Variants in ACIN1 observed in about 807,000 individuals in gnomAD.
ACIN1 encodes apoptotic chromatin condensation inducer 1.
Under a neutral mutation model 146.6 loss-of-function variants are expected in ACIN1, and 16 were observed. The ratio of observed to expected loss-of-function variants is 0.11; its 90% CI spans 0.07 to 0.17. The LOEUF (loss-of-function observed/expected upper bound fraction) is 0.17. Ranked by LOEUF, ACIN1 falls within the 10% of genes least tolerant of loss-of-function variation. The pLI, the probability that ACIN1 is intolerant of heterozygous loss-of-function variation, is 1.00. For synonymous variants in ACIN1, 569 were observed against 582.7 expected, an observed-to-expected ratio of 0.98 and a Z score of 0.34; for missense variants, 1,357 against 1,609.3, an observed-to-expected ratio of 0.84 and a Z score of 2.68.
chr14:23,079,825 GAGA>G lies in ACIN1; in HGVS notation c.1507_1509del (p.Ser503del), dbSNP rs754697700. ...AATCTGTGGCTTGGGAGAAGGGTAT[GAGA>G]AGCTCTTCTGCCTTCCTTCTGTTCC... On this transcript the variant is annotated inframe_deletion, in exon 6 of 19. Coordinates refer to ENST00000605057, the MANE Select transcript of ACIN1 (RefSeq NM_001386863.1). 30 of 1,614,192 alleles carry G rather than the reference GAGA, an allele frequency of 1.9e-5. No homozygotes were observed. The African/African-American group carries it at 4.0e-4, about 22-fold the overall frequency.
At chr14:23,083,192 T>TA (rs2047995529) in intron 4 of ACIN1, among the ~76,000 whole-genome samples, 1 of 151,950 alleles carries the variant, frequency 6.6e-6, no homozygotes, top group African/African-American at 2.4e-5. Context: ...GTAAATCACT[T>TA]AAGTAATTTG....
intron 4 of ACIN1, among the ~76,000 whole-genome samples, chr14:23,083,685 C>T (rs1460495686): frequency 1.3e-5 from 2 of 152,110 alleles, no homozygotes; most frequent in East Asian, 3.9e-4. Flanking sequence ...GTCGAGATCG[C>T]GCCACTGCAC....
Position 23,080,643 on chromosome 14 carries a change from T to A in ACIN1, c.692A>T (p.Asp231Val). 1 of 1,613,950 alleles carries A rather than the reference T, an allele frequency of 6.2e-7. No individual in the cohort carries two copies. Among genetic ancestry groups the A allele is most frequent in the Non-Finnish European group, 8.5e-7 (1 of 1,180,008 alleles). The change falls in exon 6 of 19, where the codon GAT becomes GTT. Residue 231 changes from aspartate (D) to valine (V), a missense_variant. By Grantham distance (152) the Asp-to-Val change is radical (BLOSUM62 -3). Transcript: ENST00000605057. ...CTCCCTAGATTTTTGTCCCTCATCATCACCTTCCTCTTCTTCATCATCTTC... is the reference window on the plus strand; with the variant it reads ...CTCCCTAGATTTTTGTCCCTCATCAACACCTTCCTCTTCTTCATCATCTTC... ...EEEDDEEEEG[D>V]DEGQKSREAP...
intron 4 of ACIN1, among the ~76,000 whole-genome samples, chr14:23,086,613 G>A (rs1187143842): frequency 6.6e-6 from 1 of 152,118 alleles, no homozygotes; most frequent in Non-Finnish European, 1.5e-5. Flanking sequence ...AGCCTCCCGA[G>A]TAGCTGGGAC....
chr14:23,093,441 C>T, intron 2 of ACIN1, 38 bp downstream of exon 2: 1 of 1,585,332 alleles, frequency 6.3e-7, no homozygotes, highest in Non-Finnish European at 8.7e-7. Flanking sequence ...TCTGGATATC[C>T]AAAGGGCCCA....
chr14:23,085,483 G>A (rs1228844779), intron 4 of ACIN1, among the ~76,000 whole-genome samples: 1 of 152,170 alleles, frequency 6.6e-6, no homozygotes, highest in Non-Finnish European at 1.5e-5. Context: ...TTTTGATACT[G>A]TAAAACTGCA....
intron 8 of ACIN1, chr14:23,071,379 G>C (rs1203462472): frequency 6.5e-7 from 1 of 1,540,942 alleles, no homozygotes; most frequent in South Asian, 1.2e-5. Context: ...GTGGTGCGGG[G>C]AGGCTAAAAC....
intron 1 of ACIN1, 139 bp downstream of exon 1, chr14:23,094,836 G>C: frequency 7.8e-7 from 1 of 1,276,740 alleles, no homozygotes; most frequent in Non-Finnish European, 1.1e-6. Context: ...ATCAACCACC[G>C]TGCGCGCGGA....
rs139787769 is a variant in ACIN1, at chr14:23,058,586, AT to A, written c.*561del. The A allele has an allele frequency of 0.12, 17,912 of 153,344 alleles. 1,273 individuals are homozygous for A. Among genetic ancestry groups the A allele is most frequent in the African/African-American group, 0.19 (7,806 of 41,360 alleles). The allele number at this position is 153,344 out of a possible 1,614,324, so 9.5% of individuals were successfully genotyped here. On this transcript the variant is annotated 3_prime_UTR_variant, in exon 19 of 19. Coordinates refer to ENST00000605057, the MANE Select transcript of ACIN1 (RefSeq NM_001386863.1). The stretch of plus-strand genomic sequence containing the variant: ...CAGTTTAAAACTAAGTCAGATTTTT[AT>A]TTTTTTTTCCATAGACCACATCATT...
intron 8 of ACIN1, 89 bp from the exon 9 acceptor site, chr14:23,069,706 A>C (rs1594755421): frequency 4.7e-6 from 6 of 1,277,174 alleles, no homozygotes; most frequent in Admixed American, 2.1e-5. Context: ...GGGTCAGGAA[A>C]CCCTCCTGCC....
chr14:23,094,532 T>C (rs2048317871), intron 1 of ACIN1: 1 of 985,064 alleles, frequency 1.0e-6, no homozygotes, highest in South Asian at 4.7e-5. Flanking sequence ...CCTACCCCAG[T>C]CCTATTCGTG....
chr14:23,090,957 T>G (rs896646169), intron 2 of ACIN1, among the ~76,000 whole-genome samples: 35 of 152,194 alleles, frequency 2.3e-4, no homozygotes, highest in African/African-American at 8.0e-4. Context: ...CAGGCTGGAG[T>G]GCAGTGGCGT....
rs763816461 is a variant in ACIN1 at position 23,069,303 on chromosome 14, G to T, written c.2265+173C>A. 2.3e-5 allele frequency: 30 copies of T among 1,314,804 alleles called. 1 individual carries two copies. Among genetic ancestry groups the T allele is most frequent in the Middle Eastern group, 5.6e-4 (2 of 3,550 alleles). 81.4% of individuals were successfully genotyped at this position (1,314,804 alleles called of 1,614,324 possible). On this transcript the variant is annotated intron_variant, in intron 9 of 18. Coordinates refer to ENST00000605057, the MANE Select transcript of ACIN1 (RefSeq NM_001386863.1). Reference sequence around the variant, plus strand: ...GAATGAGCCCTGTCCCCGTCACAAGGGGTCTCCCTTGCTAAACCAGCGAAT... The same window carrying T: ...GAATGAGCCCTGTCCCCGTCACAAGTGGTCTCCCTTGCTAAACCAGCGAAT...
chr14:23,061,695 C>A, intron 16 of ACIN1, 73 bp from the exon 17 acceptor site: 2 of 1,389,780 alleles, frequency 1.4e-6, no homozygotes, highest in South Asian at 1.4e-5. Context: ...CCAGGATGGC[C>A]GGGCGCGGTG....
At chr14:23,066,394 A>G (rs1205245828) in intron 9 of ACIN1, 21 of 161,054 alleles carry the variant, frequency 1.3e-4, no homozygotes. Context: ...AGCCAAACAA[A>G]CTGTGCCCCA....
At chr14:23,086,176 G>C (rs76140463) in intron 4 of ACIN1, among the ~76,000 whole-genome samples, 4,148 of 152,284 alleles carry the variant, frequency 0.027, 204 homozygotes, top group African/African-American at 0.094. Context: ...TCTGACTCAT[G>C]TTAGACCTGT....
intron 8 of ACIN1, among the ~76,000 whole-genome samples, chr14:23,074,724 C>A (rs2047755165): frequency 1.3e-5 from 2 of 152,094 alleles, no homozygotes; most frequent in Non-Finnish European, 2.9e-5. Flanking sequence ...GGGATATCTA[C>A]CCATAAGTAA....
intron 8 of ACIN1, among the ~76,000 whole-genome samples, chr14:23,075,921 G>C (rs1282629615): frequency 6.6e-6 from 1 of 152,174 alleles, no homozygotes; most frequent in East Asian, 1.9e-4. Context: ...GGCTGGTCTC[G>C]AATTCCTGAC....
intron 1 of ACIN1, among the ~76,000 whole-genome samples, chr14:23,094,125 A>AACACACACACACAAAC (rs895370149): frequency 2.6e-5 from 4 of 151,752 alleles, no homozygotes; most frequent in Non-Finnish European, 5.9e-5. Context: ...CACACACACA[A>AACACACACACACAAAC]ACACACACAC....
Sources: allele counts gnomAD v4.1 joint callset (sites outside exome capture counted in the v4.1 genomes callset), GRCh38; gene constraint gnomAD v4.1.1; transcripts MANE v1.5; gene names NCBI Gene and HGNC (gene_info 2026-07-23, HGNC 2026-07-21).